AANAT: variants seen among roughly 807,000 people sequenced by gnomAD.
AANAT encodes serotonin N-acetyltransferase.
Under a neutral mutation model 15.6 loss-of-function variants are expected in AANAT, and 11 were observed. The ratio of observed to expected loss-of-function variants is 0.71; its 90% CI spans 0.44 to 1.17. The LOEUF is 1.17. Ranked by LOEUF, AANAT falls within the 50% of genes most tolerant of loss-of-function variation. The pLI is 0.00. For missense variants in AANAT, 286 were observed against 296.3 expected (o/e 0.97, Z 0.26); for synonymous variants, 139 against 131.5 (o/e 1.06, Z -0.39).
chr17:76,467,687 G>A lies in AANAT; in HGVS notation c.-116G>A. The A allele has an allele frequency of 1.0e-6, 1 of 985,494 alleles. No homozygotes were observed. Among genetic ancestry groups the A allele is most frequent in the African/African-American group, 1.7e-5 (1 of 57,368 alleles). 61.0% of individuals were successfully genotyped at this position (985,494 alleles called of 1,614,324 possible). ...TGCGGACAGGCCCCCAGGGCTAGCG[G>A]CTTTGTGGAGGGAACACTGGGTATC... On this transcript the variant is annotated 5_prime_UTR_variant, in exon 1 of 4. Coordinates refer to ENST00000392492, the MANE Select transcript of AANAT (RefSeq NM_001088.3).
At chr17:76,456,764 C>G (rs919321921) in intron 1 of AANAT, among the ~76,000 whole-genome samples, 1 of 152,188 alleles carries the variant, frequency 6.6e-6, no homozygotes, top group African/African-American at 2.4e-5. Flanking sequence ...ATATTATTGA[C>G]CAGGCATTGT....
intron 1 of AANAT, among the ~76,000 whole-genome samples, chr17:76,457,203 T>C (rs2073350234): frequency 6.6e-6 from 1 of 152,104 alleles, no homozygotes; most frequent in South Asian, 2.1e-4. Flanking sequence ...CCACCACGGC[T>C]GGCTAATTTT....
intron 2 of AANAT, among the ~76,000 whole-genome samples, chr17:76,460,594 C>T (rs1219354001): frequency 2.0e-5 from 3 of 152,164 alleles, no homozygotes; most frequent in African/African-American, 7.2e-5. Flanking sequence ...AGCCACCGTG[C>T]CCAGCCTCTT....
Position 76,470,005 on chromosome 17 carries a change from C to T in AANAT, c.*35C>T, listed in dbSNP as rs947910969. 1.5e-5 allele frequency: 21 copies of T among 1,445,062 alleles called. No homozygotes were observed. Among genetic ancestry groups the T allele is most frequent in the African/African-American group, 8.6e-5 (6 of 69,476 alleles). 89.5% of individuals were successfully genotyped at this position (1,445,062 alleles called of 1,614,324 possible). ...CCCACCTGGCTGCCAACATGATCCC[C>T]GTCTCTGCCCTGGGCTCCTCTTAGC... On this transcript the variant is annotated 3_prime_UTR_variant, in exon 4 of 4. Coordinates refer to ENST00000392492, the MANE Select transcript of AANAT (RefSeq NM_001088.3).
upstream of AANAT, among the ~76,000 whole-genome samples, chr17:76,463,893 G>A (rs576037273): frequency 3.9e-5 from 6 of 152,212 alleles, no homozygotes; most frequent in South Asian, 4.2e-4. Context: ...AATAACTGTC[G>A]TCATCATCCT....
intron 1 of AANAT, 57 bp from the exon 2 acceptor site, chr17:76,468,615 G>A: frequency 4.1e-6 from 6 of 1,453,828 alleles, no homozygotes; most frequent in Non-Finnish European, 5.5e-6. Flanking sequence ...ACATACTCTG[G>A]GGCCTGCCTC....
intron 1 of AANAT, 96 bp from the exon 2 acceptor site, chr17:76,468,576 C>T: frequency 8.8e-7 from 1 of 1,136,708 alleles, no homozygotes; most frequent in Non-Finnish European, 1.2e-6. Context: ...CTGTCTCCAC[C>T]CCAGTTCCTG....
In AANAT at chr17:76,469,101, A is replaced by C; in HGVS notation, c.164-72A>C. The C allele has an allele frequency of 6.3e-7, 1 of 1,591,654 alleles. No homozygotes were observed. ...TGGGGAACGGGGCATCTGAGTGGAC[A>C]CTCGGGGTGCAGCAGACAGTGGACG... is the stretch of plus-strand genomic sequence containing the variant. On this transcript the variant is annotated intron_variant, in intron 2 of 3. Transcript: ENST00000392492. The surrounding 1 kb of genome is among the most constrained non-coding windows in gnomAD (Gnocchi z 5.2).
At chr17:76,466,745 G>A (rs144458567), upstream of AANAT, among the ~76,000 whole-genome samples, 9 of 152,286 alleles carry the variant, frequency 5.9e-5, no homozygotes, top group South Asian at 6.2e-4. Context: ...CCGGGCTTCC[G>A]TGTGGATTAA....
At chr17:76,459,179 G>A (rs1042283104) in intron 1 of AANAT, 2 of 152,260 alleles carry the variant, frequency 1.3e-5, no homozygotes, top group African/African-American at 2.4e-5. Context: ...TGGGGCAACA[G>A]TGAAAAGTTT....
upstream of AANAT, among the ~76,000 whole-genome samples, chr17:76,463,325 T>TTTTTTTTA (rs2073407214): frequency 6.7e-6 from 1 of 149,486 alleles, no homozygotes; most frequent in Non-Finnish European, 1.5e-5. Context: ...TTTTTTTTTT[T>TTTTTTTTA]GAGATACAGT....
chr17:76,465,277 A>G (rs1289922894), upstream of AANAT, among the ~76,000 whole-genome samples: 2 of 151,644 alleles, frequency 1.3e-5, no homozygotes, highest in Admixed American at 1.3e-4. Context: ...TAAACAGTGC[A>G]ATCGGTGTCC....
At position 76,468,784 on chromosome 17, in the gene AANAT, C is replaced by T. The variant is rs1379807828; in HGVS notation, c.38C>T (p.Ala13Val). 6.2e-7 allele frequency: 1 copy of T among 1,613,432 alleles called. No individual in the cohort carries two copies. Among genetic ancestry groups the T allele is most frequent in the Non-Finnish European group, 8.5e-7 (1 of 1,179,906 alleles). The change falls in exon 2 of 4, where the codon GCC becomes GTC. Residue 13 changes from alanine (A) to valine (V), a missense_variant. Ala to Val is a moderately conservative substitution (Grantham distance 64, BLOSUM62 0). Coordinates refer to ENST00000392492, the MANE Select transcript of AANAT (RefSeq NM_001088.3). Reference protein sequence around the residue: ...TQSTHPLKPEAPRLPPGIPES... With the variant: ...TQSTHPLKPEVPRLPPGIPES... Reference sequence around the variant, plus strand: ...AGCACCCACCCCCTGAAACCTGAGGCCCCACGTCTGCCACCTGGGATCCCC... The same window carrying T: ...AGCACCCACCCCCTGAAACCTGAGGTCCCACGTCTGCCACCTGGGATCCCC...
At chr17:76,463,879 G>A (rs781646742), upstream of AANAT, among the ~76,000 whole-genome samples, 1 of 152,056 alleles carries the variant, frequency 6.6e-6, no homozygotes, top group African/African-American at 2.4e-5. Context: ...TCAGTTATCC[G>A]CTCAATAACT....
At position 76,469,786 on chromosome 17, in the gene AANAT, T is replaced by C. The variant is rs1258520297; in HGVS notation, c.440T>C (p.Leu147Pro). 1.3e-6 allele frequency: 2 copies of C among 1,594,098 alleles called. No homozygotes were observed. Among genetic ancestry groups the C allele is most frequent in the Non-Finnish European group, 8.5e-7 (1 of 1,171,498 alleles). Residue 147 changes from leucine (L) to proline (P), a missense_variant, in exon 4 of 4, where the codon CTG becomes CCG. Transcript: ENST00000392492. The surrounding 1 kb of genome is among the most constrained non-coding windows in gnomAD (Gnocchi z 5.2). ...CTGCTGTGGCGCTACCTGCACCACC[T>C]GGGCAGCCAGCCGGCCGTGCGCCGG... ...PILLWRYLHH[L>P]GSQPAVRRAA... is the part of the protein sequence containing the mutation.
chr17:76,461,351 A>G (rs1240900197), intron 2 of AANAT, among the ~76,000 whole-genome samples: 1 of 151,818 alleles, frequency 6.6e-6, no homozygotes, highest in Non-Finnish European at 1.5e-5. Context: ...ATCCCTCTCC[A>G]AACACTGCCC....
At chr17:76,463,815 C>T (rs1349333739), upstream of AANAT, among the ~76,000 whole-genome samples, 1 of 152,192 alleles carries the variant, frequency 6.6e-6, no homozygotes, top group East Asian at 1.9e-4. Flanking sequence ...GCTTGGTTCT[C>T]AGCTTTCGTG....
At chr17:76,466,644 C>T (rs1471267091), upstream of AANAT, among the ~76,000 whole-genome samples, 1 of 152,210 alleles carries the variant, frequency 6.6e-6, no homozygotes, top group Non-Finnish European at 1.5e-5. Flanking sequence ...CTTTGCCCCT[C>T]CCCCTTCACT....
upstream of AANAT, chr17:76,465,944 G>A (rs896262640): frequency 1.1e-5 from 6 of 536,822 alleles, no homozygotes; most frequent in African/African-American, 5.7e-5. Flanking sequence ...CGACCTCTCC[G>A]GCTCAAGCCA....
Sources: allele counts gnomAD v4.1 joint callset (sites outside exome capture counted in the v4.1 genomes callset), GRCh38; gene constraint gnomAD v4.1.1; non-coding constraint Gnocchi (gnomAD v3.1); transcripts MANE v1.5; gene names NCBI Gene and HGNC (gene_info 2026-07-23, HGNC 2026-07-21).